The following LIPA variants were observed in gnomAD, a reference collection of about 807,000 sequenced individuals.
LIPA encodes lipase A, lysosomal acid type.
LIPA carries 26 observed loss-of-function variants against 40.6 expected under a neutral mutation model. The observed-to-expected ratio is 0.64, with a 90% CI of 0.47 to 0.89. The LOEUF is 0.89. LIPA is among the 40% of genes least tolerant of loss of function. The pLI, the probability that LIPA is intolerant of heterozygous loss-of-function variation, is 0.00. For missense variants in LIPA, 455 were observed against 479.6 expected (o/e 0.95, Z 0.48); for synonymous variants, 188 against 168.4 (o/e 1.12, Z -0.90).
intron 2 of LIPA, chr10:89,392,566 T>TATTA (rs79546928): frequency 2.9e-6 from 2 of 694,220 alleles, no homozygotes; most frequent in Non-Finnish European, 4.8e-6. Flanking sequence ...ACCCACAGCT[T>TATTA]ACACCATTGG....
intron 1 of LIPA, among the ~76,000 whole-genome samples, chr10:89,259,543 C>CT (rs1224503159): frequency 1.3e-5 from 2 of 152,144 alleles, no homozygotes; most frequent in Admixed American, 1.3e-4. Flanking sequence ...CTATTCTACT[C>CT]TTAAGTATTT....
intron 1 of LIPA, among the ~76,000 whole-genome samples, chr10:89,279,231 CT>C (rs1327870832): frequency 6.6e-6 from 1 of 152,194 alleles, no homozygotes; most frequent in Non-Finnish European, 1.5e-5. Context: ...GAACCCTGGC[CT>C]TTCACCACCC....
intron 1 of LIPA, 32 bp from the exon 2 acceptor site, chr10:89,247,681 T>C (rs753506836): frequency 1.3e-5 from 19 of 1,469,520 alleles, no homozygotes; most frequent in Non-Finnish European, 1.8e-5. Context: ...TATTATTTGC[T>C]TGAATTTTAC....
Position 89,234,828 on chromosome 10 carries a change from T to A in LIPA, c.230-6430A>T, listed in dbSNP as rs189917615. Among the ~76,000 whole-genome samples, 21 of 152,378 alleles carry A rather than the reference T, an allele frequency of 1.4e-4. No individual in the cohort carries two copies. The East Asian group carries it at 4.0e-3, about 29-fold the overall frequency. On this transcript the variant is annotated intron_variant, in intron 3 of 9. Transcript: ENST00000336233. ...TGATTGAAATGATAGCTAGCGCCGA[T>A]TGCACGCTTGTATGCTGTAGGTACT...
intron 1 of LIPA, chr10:89,292,064 G>T (rs534303662): frequency 6.6e-6 from 1 of 152,304 alleles, no homozygotes; most frequent in African/African-American, 2.4e-5. Flanking sequence ...ACTGGAAGTT[G>T]CCCAGGAACA....
At chr10:89,316,278 C>T (rs189034651) in intron 1 of LIPA, among the ~76,000 whole-genome samples, 10 of 152,198 alleles carry the variant, frequency 6.6e-5, no homozygotes, top group African/African-American at 1.2e-4. Flanking sequence ...CATCGCCTCA[C>T]CCGGGAAGTG....
intron 1 of LIPA, among the ~76,000 whole-genome samples, chr10:89,277,424 T>C (rs1843293892): frequency 6.6e-6 from 1 of 152,244 alleles, no homozygotes; most frequent in African/African-American, 2.4e-5. Flanking sequence ...TACTGGCACA[T>C]CGGTAGGGAT....
intron 1 of LIPA, among the ~76,000 whole-genome samples, chr10:89,265,581 CCTTTTA>C (rs1418463486): frequency 2.0e-4 from 31 of 152,268 alleles, no homozygotes; most frequent in African/African-American, 7.0e-4. Context: ...ATTTTACTTT[CCTTTTA>C]CATTTTTAAA....
chr10:89,272,607 T>C (rs1414810041), intron 1 of LIPA, among the ~76,000 whole-genome samples: 2 of 152,248 alleles, frequency 1.3e-5, no homozygotes, highest in East Asian at 1.9e-4. Context: ...TCTGGGTACA[T>C]ACCCGGTAAT....
At chr10:89,303,852 G>A (rs1843461134) in intron 1 of LIPA, among the ~76,000 whole-genome samples, 1 of 152,208 alleles carries the variant, frequency 6.6e-6, no homozygotes, top group African/African-American at 2.4e-5. Flanking sequence ...GTCTTCAGGT[G>A]TTAGGATGCG....
At chr10:89,220,274 T>C (rs1369246298) in intron 8 of LIPA, among the ~76,000 whole-genome samples, 1 of 152,126 alleles carries the variant, frequency 6.6e-6, no homozygotes, top group Non-Finnish European at 1.5e-5. Flanking sequence ...GTGGGAAAGC[T>C]CAGGATCTGC....
In LIPA at chr10:89,248,248, G is replaced by A. The variant is rs576050785; in HGVS notation, c.-1-599C>T. Among the ~76,000 whole-genome samples the A allele has an allele frequency of 5.3e-3, 783 of 148,446 alleles. 5 individuals are homozygous for A. Among genetic ancestry groups the A allele is most frequent in the East Asian group, 0.012 (60 of 5,054 alleles). Reference sequence around the variant, plus strand: ...ACAATCTCGGCTCACCACAACCTCCGCCTCCCAGGTTCAAGCGGTTCTCCT... The same window carrying A: ...ACAATCTCGGCTCACCACAACCTCCACCTCCCAGGTTCAAGCGGTTCTCCT... On this transcript the variant is annotated intron_variant, in intron 1 of 9. Coordinates refer to ENST00000336233, the MANE Select transcript of LIPA (RefSeq NM_000235.4).
Position 89,214,813 on chromosome 10 carries a change from G to T in LIPA, c.*15C>A. ...ATAATCATTGACTTGGTGGTACACA[G>T]CTCAAGTCCAGCTTTCACTGATATT... On this transcript the variant is annotated 3_prime_UTR_variant, in exon 10 of 10. Transcript: ENST00000336233. The T allele has an allele frequency of 7.0e-7, 1 of 1,419,716 alleles. No individual in the cohort carries two copies. The highest frequency in any genetic ancestry group is 1.0e-6 in the Non-Finnish European group (1 of 1,003,482). 87.9% of individuals were successfully genotyped at this position (1,419,716 alleles called of 1,614,324 possible). A position where few individuals can be genotyped will look rare whatever the true frequency, so the allele number is the denominator to read the frequency against.
intron 2 of LIPA, chr10:89,404,554 A>C (rs1844498171): frequency 1.3e-5 from 2 of 152,250 alleles, no homozygotes; most frequent in South Asian, 4.1e-4. Context: ...TAACCTGTTA[A>C]CTATGTGTGT....
intron 8 of LIPA, among the ~76,000 whole-genome samples, chr10:89,220,404 T>C (rs17117526): frequency 0.042 from 6,344 of 152,150 alleles, 335 homozygotes; most frequent in African/African-American, 0.13. Flanking sequence ...TCCTCAAAAA[T>C]GTAGGGGAAT....
At chr10:89,316,273 C>A (rs1843540992) in intron 1 of LIPA, among the ~76,000 whole-genome samples, 1 of 152,220 alleles carries the variant, frequency 6.6e-6, no homozygotes, top group Non-Finnish European at 1.5e-5. Flanking sequence ...CGGGGCATCG[C>A]CTCACCCGGG....
chr10:89,259,655 G>A (rs983077232), intron 1 of LIPA, among the ~76,000 whole-genome samples: 6 of 152,136 alleles, frequency 3.9e-5, no homozygotes, highest in African/African-American at 1.4e-4. Flanking sequence ...ACAGGTAAAT[G>A]GATAAACAAA....
intron 2 of LIPA, among the ~76,000 whole-genome samples, chr10:89,367,754 T>C (rs1844069794): frequency 6.6e-6 from 1 of 152,164 alleles, no homozygotes; most frequent in Non-Finnish European, 1.5e-5. Flanking sequence ...TGTGTGTGTA[T>C]TTGGGTAATT....
intron 2 of LIPA, among the ~76,000 whole-genome samples, chr10:89,370,460 C>T (rs531724484): frequency 3.3e-5 from 5 of 152,010 alleles, no homozygotes; most frequent in Non-Finnish European, 1.5e-5. Context: ...GTCTCAAACT[C>T]CCAGACTCAA....
Sources: allele counts gnomAD v4.1 joint callset (sites outside exome capture counted in the v4.1 genomes callset), GRCh38; gene constraint gnomAD v4.1.1; transcripts MANE v1.5; gene names NCBI Gene and HGNC (gene_info 2026-07-23, HGNC 2026-07-21).